ITGA9: variants seen among roughly 807,000 people sequenced by gnomAD.
ITGA9 encodes integrin subunit alpha 9.
Under a neutral mutation model 127.8 loss-of-function variants are expected in ITGA9, and 56 were observed. The observed-to-expected ratio is 0.44, with a 90% CI of 0.35 to 0.55. ITGA9 has a LOEUF of 0.55. Among genes scored for constraint, ITGA9 ranks in the 20% least tolerant of loss-of-function variants. ITGA9 has a pLI of 0.00. For synonymous variants in ITGA9, 508 were observed against 514.5 expected (o/e 0.99, Z 0.17); for missense variants, 1,196 against 1,347.1 (o/e 0.89, Z 1.76).
intron 16 of ITGA9, among the ~76,000 whole-genome samples, chr3:37,631,889 A>C (rs1030468877): frequency 6.6e-6 from 1 of 152,214 alleles, no homozygotes; most frequent in Non-Finnish European, 1.5e-5. Flanking sequence ...CGCCTTCTCT[A>C]AAGTGTTAAA....
chr3:37,708,302 C>G (rs577025939), intron 18 of ITGA9, among the ~76,000 whole-genome samples: 2 of 152,268 alleles, frequency 1.3e-5, no homozygotes, highest in South Asian at 4.1e-4. Context: ...TTTTTGAAAT[C>G]TAGGCCTGGA....
intron 8 of ITGA9, among the ~76,000 whole-genome samples, chr3:37,511,120 T>C (rs1470370778): frequency 6.6e-6 from 1 of 152,234 alleles, no homozygotes; most frequent in African/African-American, 2.4e-5. Flanking sequence ...TGCTTCCGTT[T>C]GGCTAGAATT....
At chr3:37,494,426 C>T in intron 4 of ITGA9, 75 bp from the exon 5 acceptor site, 1 of 1,083,010 alleles carries the variant, frequency 9.2e-7, no homozygotes, top group Non-Finnish European at 1.4e-6. Context: ...GGCTGGCTGG[C>T]TCTGCTGGCT....
rs551904305 is a variant in ITGA9 at position 37,556,328 on chromosome 3, T to G, written c.1689+13743T>G. Among the ~76,000 whole-genome samples the G allele has an allele frequency of 2.0e-5, 3 of 152,364 alleles. No individual in the cohort carries two copies. In the South Asian group the frequency reaches 6.2e-4, roughly 32 times the overall value. ...TCTACCCTGCAAATCTTTTCCTCTT[T>G]CTAACTGCCTCTGCATTTGGAAGGG... is the stretch of plus-strand genomic sequence containing the variant. On this transcript the variant is annotated intron_variant, in intron 15 of 27. Coordinates refer to ENST00000264741, the MANE Select transcript of ITGA9 (RefSeq NM_002207.3).
intron 2 of ITGA9, 21 bp downstream of exon 2, chr3:37,471,155 T>C (rs11713408): frequency 0.64 from 1,024,558 of 1,611,624 alleles, 329,497 homozygotes; most frequent in Middle Eastern, 0.74. Context: ...ATTACTGCTG[T>C]GGTGGAAATG....
At chr3:37,478,416 A>T (rs770090203) in intron 3 of ITGA9, among the ~76,000 whole-genome samples, 1 of 152,240 alleles carries the variant, frequency 6.6e-6, no homozygotes, top group African/African-American at 2.4e-5. Context: ...CCTTTGAAAT[A>T]AAGTGTTTAT....
intron 18 of ITGA9, among the ~76,000 whole-genome samples, chr3:37,708,625 G>A (rs926382848): frequency 0.052 from 13 of 248 alleles, no homozygotes; most frequent in South Asian, 0.5. Context: ...CATCTAGTGG[G>A]TATGCCAGGG....
chr3:37,675,573 CACAACAT>C (rs1279811715), intron 17 of ITGA9, among the ~76,000 whole-genome samples: 3 of 152,050 alleles, frequency 2.0e-5, no homozygotes, highest in Admixed American at 6.5e-5. Flanking sequence ...GGCTCATTTG[CACAACAT>C]ACAACTTTGG....
chr3:37,507,535 G>T (rs991873233), intron 7 of ITGA9, among the ~76,000 whole-genome samples: 1 of 152,116 alleles, frequency 6.6e-6, no homozygotes, highest in South Asian at 2.1e-4. Flanking sequence ...TATCTGGGGG[G>T]TGCAAGGTAT....
chr3:37,750,449 T>C lies in ITGA9; in HGVS notation c.2434-13T>C, dbSNP rs1447511805. The C allele has an allele frequency of 4.7e-6, 7 of 1,486,042 alleles. No homozygotes were observed. Among genetic ancestry groups the C allele is most frequent in the Non-Finnish European group, 5.6e-6 (6 of 1,062,944 alleles). 92.1% of individuals were successfully genotyped at this position (1,486,042 alleles called of 1,614,324 possible). Reference sequence around the variant, plus strand: ...TTCCACTGAGACTTGCTGTGTGTGTTCCACACCCACAGGTCTACAACACTG... The same window carrying C: ...TTCCACTGAGACTTGCTGTGTGTGTCCCACACCCACAGGTCTACAACACTG... On this transcript the variant is annotated splice_polypyrimidine_tract_variant and intron_variant, in intron 22 of 27. Transcript: ENST00000264741.
chr3:37,464,281 T>C (rs1199346185), intron 1 of ITGA9, among the ~76,000 whole-genome samples: 1 of 151,546 alleles, frequency 6.6e-6, no homozygotes, highest in Non-Finnish European at 1.5e-5. Context: ...TCAGGGTTTT[T>C]TTTTTTTTTT....
At chr3:37,608,281 C>G (rs1699987055) in intron 15 of ITGA9, among the ~76,000 whole-genome samples, 1 of 152,244 alleles carries the variant, frequency 6.6e-6, no homozygotes, top group East Asian at 1.9e-4. Context: ...ATAATTTACC[C>G]ACTTAAAAGG....
At chr3:37,688,575 C>T (rs568050012) in intron 18 of ITGA9, among the ~76,000 whole-genome samples, 2 of 152,242 alleles carry the variant, frequency 1.3e-5, no homozygotes, top group East Asian at 1.9e-4. Context: ...CATGAGAGGC[C>T]GTCCTGAGCC....
At chr3:37,507,358 G>A (rs1287554035) in intron 7 of ITGA9, among the ~76,000 whole-genome samples, 1 of 152,188 alleles carries the variant, frequency 6.6e-6, no homozygotes, top group African/African-American at 2.4e-5. Flanking sequence ...CCTACGTCTA[G>A]TTCACAGTGA....
At chr3:37,699,480 A>T (rs1700922964) in intron 18 of ITGA9, among the ~76,000 whole-genome samples, 1 of 152,134 alleles carries the variant, frequency 6.6e-6, no homozygotes. Context: ...GTATCTCATA[A>T]TCCAGCCAGT....
chr3:37,646,244 G>A (rs181500439), intron 16 of ITGA9, among the ~76,000 whole-genome samples: 14 of 152,300 alleles, frequency 9.2e-5, no homozygotes, highest in African/African-American at 3.4e-4. Context: ...GGCTGCTTTT[G>A]CTCTACAACA....
intron 6 of ITGA9, among the ~76,000 whole-genome samples, chr3:37,504,256 G>T (rs1698818300): frequency 6.6e-6 from 1 of 152,162 alleles, no homozygotes; most frequent in Non-Finnish European, 1.5e-5. Flanking sequence ...CCTATGCCAG[G>T]CTGTATGTAT....
At chr3:37,743,787 A>G in intron 21 of ITGA9, 139 bp from the exon 22 acceptor site, 2 of 716,974 alleles carry the variant, frequency 2.8e-6, no homozygotes, top group East Asian at 2.6e-5. Context: ...CAGACTGGCT[A>G]TGTAACAGCC....
intron 1 of ITGA9, among the ~76,000 whole-genome samples, chr3:37,464,964 G>T (rs1698354412): frequency 6.6e-6 from 1 of 151,614 alleles, no homozygotes; most frequent in African/African-American, 2.4e-5. Context: ...CAATTCCTGG[G>T]GTTTCCCCGT....
Sources: gnomAD v4.1 joint callset for allele counts (sites outside exome capture counted in the v4.1 genomes callset) on GRCh38, gnomAD v4.1.1 for gene constraint, MANE v1.5 for transcripts, NCBI Gene and HGNC (gene_info 2026-07-23, HGNC 2026-07-21) for gene names.